Variants in CELA2B observed in about 807,000 individuals in gnomAD.
CELA2B encodes chymotrypsin like elastase 2B, also known as chymotrypsin-like elastase family member 2B.
CELA2B carries 27 observed loss-of-function variants against 36.5 expected under a neutral mutation model. The ratio of observed to expected loss-of-function variants is 0.74; its 90% CI spans 0.55 to 1.02. The LOEUF is 1.02. Among genes scored for constraint, CELA2B ranks in the 50% least tolerant of loss-of-function variants. The probability of loss-of-function intolerance (pLI) is 0.00; values close to 1 mark genes in which losing one functional copy is unlikely to be tolerated. For missense variants in CELA2B, 340 were observed against 347.8 expected, an observed-to-expected ratio of 0.98 and a Z score of 0.18; for synonymous variants, 143 against 148.5, an observed-to-expected ratio of 0.96 and a Z score of 0.27.
chr1:15,483,513 G>C, intron 5 of CELA2B, 113 bp downstream of exon 5: 1 of 1,531,502 alleles, frequency 6.5e-7, no homozygotes, highest in South Asian at 1.2e-5. Context: ...CTGCCTTGGA[G>C]AGACAGGATG....
rs1708891379 is a variant in CELA2B at position 15,491,367 on chromosome 1, AATATT to A, written c.*60_*64del. The A allele has an allele frequency of 6.3e-7, 1 of 1,597,182 alleles. No homozygotes were observed. Among genetic ancestry groups the A allele is most frequent in the South Asian group, 1.1e-5 (1 of 90,732 alleles). ...CTTGGAAAGGTCACAGAAGGAAAATAATATTATATAAAGTGACAACTATGCAAATC... is the reference window on the plus strand; with the variant it reads ...CTTGGAAAGGTCACAGAAGGAAAATAATATAAAGTGACAACTATGCAAATC... On this transcript the variant is annotated 3_prime_UTR_variant, in exon 8 of 8. Transcript: ENST00000375910.
At chr1:15,487,216 G>A in intron 6 of CELA2B, 69 bp from the exon 7 acceptor site, 2 of 1,435,056 alleles carry the variant, frequency 1.4e-6, no homozygotes, top group South Asian at 2.3e-5. Context: ...GAAATGCATT[G>A]AGAACAATGG....
At position 15,483,252 on chromosome 1, in the gene CELA2B, G is replaced by A. The variant is rs371785024; in HGVS notation, c.357-12G>A. 238 of 1,613,172 alleles carry A rather than the reference G, an allele frequency of 1.5e-4. 2 individuals are homozygous for A. The highest frequency in any genetic ancestry group is 1.3e-3 in the South Asian group (116 of 90,904). ...AACCCTGTTCTCATGCTCCGCCTCC[G>A]CACTCACCCAGGAACGACATTGCCC... On this transcript the variant is annotated splice_polypyrimidine_tract_variant and intron_variant, in intron 4 of 7. Transcript: ENST00000375910.
intron 4 of CELA2B, among the ~76,000 whole-genome samples, 165 bp downstream of exon 4, chr1:15,482,558 G>T (rs1708756174): frequency 6.6e-6 from 1 of 152,108 alleles, no homozygotes; most frequent in South Asian, 2.1e-4. Context: ...AAGATGTCTG[G>T]GGTGGGGATG....
intron 5 of CELA2B, among the ~76,000 whole-genome samples, chr1:15,485,242 A>C (rs1444893878): frequency 2.6e-5 from 4 of 152,110 alleles, no homozygotes; most frequent in Admixed American, 2.6e-4. Context: ...AATTATGTTA[A>C]TCTCATCCTT....
chr1:15,491,390 T>C lies in CELA2B; in HGVS notation c.*78T>C, dbSNP rs1180316915. On this transcript the variant is annotated 3_prime_UTR_variant, in exon 8 of 8. Coordinates refer to ENST00000375910, the MANE Select transcript of CELA2B (RefSeq NM_015849.3). ...ATAATATTATATAAAGTGACAACTA[T>C]GCAAATCACATCTTGATGAGGGTTT... 25 of 1,535,574 alleles carry C rather than the reference T, an allele frequency of 1.6e-5. No homozygotes were observed. Among genetic ancestry groups the C allele is most frequent in the Middle Eastern group, 3.4e-4 (2 of 5,926 alleles).
chr1:15,476,551 T>A lies in CELA2B; in HGVS notation c.129+6T>A. On this transcript the variant is annotated splice_donor_region_variant and intron_variant, in intron 2 of 7. Coordinates refer to ENST00000375910, the MANE Select transcript of CELA2B (RefSeq NM_015849.3). ...CCAACAGCTGGCCCTGGCAGGTGAG[T>A]TGACCACACTGTACTTCTCCCCGTC... 1 of 1,612,862 alleles carries A rather than the reference T, an allele frequency of 6.2e-7. No individual in the cohort carries two copies.
chr1:15,478,633 T>A lies in CELA2B; in HGVS notation c.129+2088T>A, dbSNP rs188259016. Among the ~76,000 whole-genome samples, 328 of 150,652 alleles carry A rather than the reference T, an allele frequency of 2.2e-3. 2 individuals carry two copies. The highest frequency in any genetic ancestry group is 7.3e-3 in the African/African-American group (298 of 40,908). Reference sequence around the variant, plus strand: ...CAGGCTGGAGTGCAGTGGCGCAGTCTCAGCTAACTGCAACCTCAGCCTTTC... The same window carrying A: ...CAGGCTGGAGTGCAGTGGCGCAGTCACAGCTAACTGCAACCTCAGCCTTTC... On this transcript the variant is annotated intron_variant, in intron 2 of 7. Transcript: ENST00000375910.
chr1:15,478,421 T>TAAAA (rs1334950379), intron 2 of CELA2B, among the ~76,000 whole-genome samples: 1 of 151,806 alleles, frequency 6.6e-6, no homozygotes, highest in African/African-American at 2.4e-5. Context: ...TTTTGTATTT[T>TAAAA]TAGTAGAGAC....
At chr1:15,480,620 C>T (rs1708728766) in intron 2 of CELA2B, among the ~76,000 whole-genome samples, 1 of 152,094 alleles carries the variant, frequency 6.6e-6, no homozygotes, top group Non-Finnish European at 1.5e-5. Context: ...ATTATAAAAC[C>T]ATCAGATATC....
Position 15,487,227 on chromosome 1 carries a change from T to C in CELA2B, c.640-58T>C. ...AATAGAAATGCATTGAGAACAATGG[T>C]TCCAATGGGCAGCCCCTTCCTCCCA... On this transcript the variant is annotated intron_variant, in intron 6 of 7. Transcript: ENST00000375910. 5.3e-6 allele frequency: 8 copies of C among 1,495,974 alleles called. No homozygotes were observed. In the South Asian group the frequency reaches 9.0e-5, roughly 17 times the overall value. The allele number at this position is 1,495,974 out of a possible 1,614,324, so 92.7% of individuals were successfully genotyped here. A position where few individuals can be genotyped will look rare whatever the true frequency, so the allele number is the denominator to read the frequency against.
intron 7 of CELA2B, 35 bp downstream of exon 7, chr1:15,487,472 T>A: frequency 6.2e-7 from 1 of 1,611,160 alleles, no homozygotes; most frequent in Non-Finnish European, 8.5e-7. Flanking sequence ...CCCAAGGCAC[T>A]GACCTGCTCA....
intron 7 of CELA2B, among the ~76,000 whole-genome samples, chr1:15,488,624 C>T (rs1708834343): frequency 6.6e-6 from 1 of 152,228 alleles, no homozygotes; most frequent in African/African-American, 2.4e-5. Context: ...TAGACCTCCA[C>T]ATTTTTAGGC....
intron 7 of CELA2B, among the ~76,000 whole-genome samples, chr1:15,488,566 G>C (rs1462229034): frequency 6.6e-6 from 1 of 152,156 alleles, no homozygotes; most frequent in Non-Finnish European, 1.5e-5. Context: ...GATACTTTGT[G>C]CCAATTAGGG....
chr1:15,490,958 G>T, intron 7 of CELA2B: 1 of 329,888 alleles, frequency 3.0e-6, no homozygotes, highest in Non-Finnish European at 5.7e-6. Context: ...CTTGCAAACA[G>T]CAGTTTTGAT....
chr1:15,481,504 CAACTT>C (rs1193998106), intron 3 of CELA2B: 4 of 547,472 alleles, frequency 7.3e-6, no homozygotes, highest in Non-Finnish European at 1.4e-5. Flanking sequence ...TTCCCTTGAA[CAACTT>C]AACTGACTTC....
Position 15,482,993 on chromosome 1 carries a change from T to C in CELA2B, c.357-271T>C, listed in dbSNP as rs535554270. On this transcript the variant is annotated intron_variant, in intron 4 of 7. Coordinates refer to ENST00000375910, the MANE Select transcript of CELA2B (RefSeq NM_015849.3). ...TAGTAGAGACGGAGTTTCACTGTGT[T>C]AGCCAGGATGGTCTCGATCTCCTGA... Among the ~76,000 whole-genome samples the C allele has an allele frequency of 2.0e-5, 3 of 152,258 alleles. No homozygotes were observed. The South Asian group carries it at 6.2e-4, about 32-fold the overall frequency.
At chr1:15,482,876 C>T (rs532935689) in intron 4 of CELA2B, among the ~76,000 whole-genome samples, 1 of 152,314 alleles carries the variant, frequency 6.6e-6, no homozygotes, top group Non-Finnish European at 1.5e-5. Flanking sequence ...AGCTCCGCCT[C>T]CTGGGTTCAC....
At chr1:15,481,305 C>T (rs1708739718) in intron 3 of CELA2B, 110 bp downstream of exon 3, 3 of 1,310,922 alleles carry the variant, frequency 2.3e-6, no homozygotes, top group Non-Finnish European at 3.3e-6. Context: ...TGCAAATAAC[C>T]ACTAGCCTGG....
Sources: gnomAD v4.1 joint callset for allele counts (sites outside exome capture counted in the v4.1 genomes callset) on GRCh38, gnomAD v4.1.1 for gene constraint, MANE v1.5 for transcripts, NCBI Gene and HGNC (gene_info 2026-07-23, HGNC 2026-07-21) for gene names.